The following CELF2 variants were observed in gnomAD, a reference collection of about 807,000 sequenced individuals.
CELF2 encodes CUG triplet repeat RNA-binding protein 2.
A neutral mutation model predicts 62.6 loss-of-function variants in CELF2; 8 were observed. The ratio of observed to expected loss-of-function variants is 0.13; its 90% CI spans 0.07 to 0.23. The LOEUF (loss-of-function observed/expected upper bound fraction) is 0.23. Among genes scored for constraint, CELF2 ranks in the 10% least tolerant of loss-of-function variants. The pLI is 1.00. For synonymous variants in CELF2, 258 were observed against 250.0 expected, an observed-to-expected ratio of 1.03 and a Z score of -0.30; for missense variants, 333 against 671.0, an observed-to-expected ratio of 0.50 and a Z score of 5.56.
At chr10:10,878,950 T>A (rs2061279048) in intron 1 of CELF2, among the ~76,000 whole-genome samples, 1 of 152,156 alleles carries the variant, frequency 6.6e-6, no homozygotes, top group Admixed American at 6.5e-5. Context: ...AAAATTAAAC[T>A]AAGATTTCAT....
At chr10:10,640,245 A>G in the CELF2 span, among the ~76,000 whole-genome samples, 1 of 152,180 alleles carries the variant, frequency 6.6e-6, no homozygotes, top group African/African-American at 2.4e-5. Context: ...TAATGTTTTG[A>G]CAATATTGGA....
rs1023983910 is a variant in CELF2, at chr10:11,156,787, G to A, written c.75-8699G>A. On this transcript the variant is annotated intron_variant, in intron 1 of 12. Coordinates refer to ENST00000633077, the MANE Select transcript of CELF2 (RefSeq NM_001326342.2). This position sits in a 1 kb window ranked among gnomAD's most constrained non-coding sequence, Gnocchi z 4.3. ...AAAGGCCAGAGCAAGCAGCCAGTCC[G>A]CATTACACGCATGTTCTGTGTGCAG... 5.9e-5 allele frequency among the ~76,000 whole-genome samples: 9 copies of A among 152,154 alleles called. No individual in the cohort carries two copies. The highest frequency in any genetic ancestry group is 1.9e-4 in the African/African-American group (8 of 41,432).
At chr10:11,135,981 T>TA (rs1457104214) in intron 1 of CELF2, among the ~76,000 whole-genome samples, 1 of 152,196 alleles carries the variant, frequency 6.6e-6, no homozygotes, top group Non-Finnish European at 1.5e-5. Context: ...TGAGAATAGT[T>TA]ACGTCCATTC....
chr10:10,829,163 A>G (rs1051301969), intron 1 of CELF2, among the ~76,000 whole-genome samples: 2 of 152,200 alleles, frequency 1.3e-5, no homozygotes, highest in African/African-American at 4.8e-5. Flanking sequence ...TCACTGTCCT[A>G]TGGACTGATA....
intron 1 of CELF2, among the ~76,000 whole-genome samples, chr10:10,809,432 T>C (rs970559029): frequency 6.6e-6 from 1 of 152,238 alleles, no homozygotes; most frequent in African/African-American, 2.4e-5. Flanking sequence ...CCTTAAACTT[T>C]CTATGACTTT....
intron 1 of CELF2, among the ~76,000 whole-genome samples, chr10:11,034,502 T>G (rs1037271167): frequency 6.6e-6 from 1 of 152,208 alleles, no homozygotes; most frequent in Non-Finnish European, 1.5e-5. Context: ...TTAAAAATAT[T>G]TCATGTGTTC....
chr10:11,176,349 G>A (rs917323339), intron 2 of CELF2, among the ~76,000 whole-genome samples: 4 of 152,086 alleles, frequency 2.6e-5, no homozygotes, highest in Non-Finnish European at 4.4e-5. Flanking sequence ...TGCATCAAGC[G>A]GGTCCTCGTA....
rs1051428742 is a variant in CELF2, at chr10:11,306,984, T to C, written c.977-7155T>C. 1.3e-5 allele frequency among the ~76,000 whole-genome samples: 2 copies of C among 152,206 alleles called. No individual in the cohort carries two copies. The highest frequency in any genetic ancestry group is 4.8e-5 in the African/African-American group (2 of 41,452). ...CCCCCTGAGCTAGGCTGCCCCATGC[T>C]CATAGGCTGTGCGTGTATCTGTGCC... On this transcript the variant is annotated intron_variant, in intron 9 of 12. Transcript: ENST00000633077. This position sits in a 1 kb window ranked among gnomAD's most constrained non-coding sequence, Gnocchi z 4.4.
Position 11,324,246 on chromosome 10 carries a change from A to C in CELF2, c.1295-1590A>C, listed in dbSNP as rs558929237. On this transcript the variant is annotated intron_variant, in intron 11 of 12. Transcript: ENST00000633077. The surrounding 1 kb of genome is among the most constrained non-coding windows in gnomAD (Gnocchi z 4.7). ...GGAGGTGAGATGTACTTCACAGTTCAAACTGGGGCCCAATAACTCTCATTT... is the reference window on the plus strand; with the variant it reads ...GGAGGTGAGATGTACTTCACAGTTCCAACTGGGGCCCAATAACTCTCATTT... Among the ~76,000 whole-genome samples, 6 of 152,324 alleles carry C rather than the reference A, an allele frequency of 3.9e-5. No individual in the cohort carries two copies. Among genetic ancestry groups the C allele is most frequent in the African/African-American group, 7.2e-5 (3 of 41,578 alleles).
rs1345836275 is a variant in CELF2, at chr10:11,255,861, C to G, written c.404-1877C>G. ...TATCAAACTCATGGCAGCACCGGAC[C>G]TAGAACCTTGGTCTTCTAATCACCG... On this transcript the variant is annotated intron_variant, in intron 4 of 12. Transcript: ENST00000633077. This position sits in a 1 kb window ranked among gnomAD's most constrained non-coding sequence, Gnocchi z 5.5. Among the ~76,000 whole-genome samples the G allele has an allele frequency of 1.3e-5, 2 of 152,196 alleles. No homozygotes were observed. Among genetic ancestry groups the G allele is most frequent in the African/African-American group, 2.4e-5 (1 of 41,446 alleles).
rs2094756926 is a variant in CELF2 at position 11,314,126 on chromosome 10, T to C, written c.977-13T>C. The C allele has an allele frequency of 6.8e-7, 1 of 1,462,514 alleles. No individual in the cohort carries two copies. The highest frequency in any genetic ancestry group is 2.2e-5 in the Admixed American group (1 of 44,730). 90.6% of individuals were successfully genotyped at this position (1,462,514 alleles called of 1,614,324 possible). Reference sequence around the variant, plus strand: ...TGTCTTCTCTCCCCTTGTCTCTGTTTTCCTTTTTTCAGTGGCTGCTTCAAC... The same window carrying C: ...TGTCTTCTCTCCCCTTGTCTCTGTTCTCCTTTTTTCAGTGGCTGCTTCAAC... On this transcript the variant is annotated splice_polypyrimidine_tract_variant and intron_variant, in intron 9 of 12. Coordinates refer to ENST00000633077, the MANE Select transcript of CELF2 (RefSeq NM_001326342.2). This position sits in a 1 kb window ranked among gnomAD's most constrained non-coding sequence, Gnocchi z 5.3.
chr10:11,336,567 A>C lies in CELF2; in HGVS notation c.*7514A>C, dbSNP rs531546668. 1 of 152,758 alleles carries C rather than the reference A, an allele frequency of 6.5e-6. No individual in the cohort carries two copies. The highest frequency in any genetic ancestry group is 1.9e-4 in the East Asian group (1 of 5,192). 9.5% of individuals were successfully genotyped at this position (152,758 alleles called of 1,614,324 possible). ...ATTATTTTTCAAAGCAGTGTTTCTA[A>C]GGGGTATTTTTGTTCTTTTAAGTCT... On this transcript the variant is annotated 3_prime_UTR_variant, in exon 13 of 13. Transcript: ENST00000633077. This position sits in a 1 kb window ranked among gnomAD's most constrained non-coding sequence, Gnocchi z 5.4.
intron 1 of CELF2, among the ~76,000 whole-genome samples, chr10:11,048,698 G>A (rs1024213554): frequency 2.8e-4 from 43 of 152,318 alleles, no homozygotes; most frequent in South Asian, 2.1e-4. Flanking sequence ...TTCTTGAGGG[G>A]CAATCCAAAC....
At chr10:10,724,081 G>T in the CELF2 span, among the ~76,000 whole-genome samples, 1 of 152,120 alleles carries the variant, frequency 6.6e-6, no homozygotes, top group African/African-American at 2.4e-5. Flanking sequence ...CAGAAAGAGA[G>T]GCCCTGCTCT....
At chr10:11,029,141 A>G (rs1325057628) in intron 1 of CELF2, among the ~76,000 whole-genome samples, 1 of 152,120 alleles carries the variant, frequency 6.6e-6, no homozygotes, top group African/African-American at 2.4e-5. Flanking sequence ...GTCCTTGGGG[A>G]AATGACCTAG....
chr10:10,764,854 A>G, the CELF2 span, among the ~76,000 whole-genome samples: 1 of 152,276 alleles, frequency 6.6e-6, no homozygotes, highest in African/African-American at 2.4e-5. Context: ...CTTCTGCAGC[A>G]GTTAAATATC....
At chr10:10,697,180 A>G in the CELF2 span, among the ~76,000 whole-genome samples, 3 of 151,988 alleles carry the variant, frequency 2.0e-5, no homozygotes, top group Non-Finnish European at 4.4e-5. Flanking sequence ...GGGTATGTTG[A>G]GCATAAAGCC....
chr10:10,495,842 C>A, the CELF2 span, among the ~76,000 whole-genome samples: 2 of 152,136 alleles, frequency 1.3e-5, no homozygotes, highest in South Asian at 4.1e-4. Context: ...GAGGACTGTA[C>A]GCATTTTCAC....
chr10:10,897,684 T>C (rs1356784407), intron 1 of CELF2, among the ~76,000 whole-genome samples: 3 of 152,054 alleles, frequency 2.0e-5, no homozygotes, highest in Non-Finnish European at 4.4e-5. Flanking sequence ...TTCAGAATCC[T>C]CTCGTGTAAT....
Sources: gnomAD v4.1 joint callset for allele counts (sites outside exome capture counted in the v4.1 genomes callset) on GRCh38, gnomAD v4.1.1 for gene constraint, Gnocchi (gnomAD v3.1) non-coding constraint, MANE v1.5 for transcripts, NCBI Gene and HGNC (gene_info 2026-07-23, HGNC 2026-07-21) for gene names.